TMEM243: variants seen among roughly 807,000 people sequenced by gnomAD.
TMEM243 encodes MDR1 and mitochondrial taxol resistance associated.
A neutral mutation model predicts 15.0 loss-of-function variants in TMEM243; 20 were observed. The ratio of observed to expected loss-of-function variants is 1.33; its 90% CI spans 0.94 to 1.93. The LOEUF is 1.93. TMEM243 is among the 30% of genes most tolerant of loss of function. The pLI, the probability that TMEM243 is intolerant of heterozygous loss-of-function variation, is 0.00. For synonymous variants in TMEM243, 72 were observed against 52.7 expected (o/e 1.37, Z -1.59); for missense variants, 156 against 142.1 (o/e 1.10, Z -0.50).
In TMEM243 at chr7:87,196,802, A is replaced by G. The variant is rs779728640; in HGVS notation, c.235-44T>C. Reference sequence around the variant, plus strand: ...TTTATAAATTAAAATTTGAAATATAACATTTTCTCTACCAATTTCAAATTT... The same window carrying G: ...TTTATAAATTAAAATTTGAAATATAGCATTTTCTCTACCAATTTCAAATTT... On this transcript the variant is annotated intron_variant, in intron 3 of 3. Transcript: ENST00000257637. The G allele has an allele frequency of 2.9e-6, 4 of 1,357,410 alleles. No individual in the cohort carries two copies. The African/African-American group carries it at 6.0e-5, about 20-fold the overall frequency. 84.1% of individuals were successfully genotyped at this position (1,357,410 alleles called of 1,614,324 possible). A position where few individuals can be genotyped will look rare whatever the true frequency, so the allele number is the denominator to read the frequency against.
intron 1 of TMEM243, among the ~76,000 whole-genome samples, chr7:87,205,492 C>A (rs1802147109): frequency 6.6e-6 from 1 of 152,198 alleles, no homozygotes; most frequent in Non-Finnish European, 1.5e-5. Context: ...ACCTAAGTCA[C>A]CTCTTGAATG....
At chr7:87,216,350 G>C (rs1049579485) in intron 1 of TMEM243, among the ~76,000 whole-genome samples, 5 of 152,020 alleles carry the variant, frequency 3.3e-5, no homozygotes, top group African/African-American at 1.2e-4. Context: ...GGAGGCTGAA[G>C]TGGGGGAATT....
intron 1 of TMEM243, among the ~76,000 whole-genome samples, chr7:87,206,980 T>C (rs1234302501): frequency 1.3e-5 from 2 of 152,224 alleles, no homozygotes; most frequent in Non-Finnish European, 2.9e-5. Context: ...AGGGCAGGCA[T>C]GCAATGGCAC....
rs1801230875 is a variant in TMEM243 at position 87,196,382 on chromosome 7, CAA to C, written c.*252_*253del. 2 of 327,734 alleles carry C rather than the reference CAA, an allele frequency of 6.1e-6. No individual in the cohort carries two copies. The highest frequency in any genetic ancestry group is 5.7e-5 in the East Asian group (1 of 17,394). The allele number at this position is 327,734 out of a possible 1,614,324, so 20.3% of individuals were successfully genotyped here. ...CCATACAATTATAAAAATTTCATTTCAAAAGTGAAATTTTTTTGTGCTGTTTT... is the reference window on the plus strand; with the variant it reads ...CCATACAATTATAAAAATTTCATTTCAAGTGAAATTTTTTTGTGCTGTTTT... On this transcript the variant is annotated 3_prime_UTR_variant, in exon 4 of 4. Coordinates refer to ENST00000257637, the MANE Select transcript of TMEM243 (RefSeq NM_024315.4).
intron 1 of TMEM243, among the ~76,000 whole-genome samples, chr7:87,209,836 G>GAGCA (rs1396173795): frequency 2.1e-5 from 3 of 143,394 alleles, no homozygotes; most frequent in African/African-American, 8.3e-5. Flanking sequence ...GACAGTGAGA[G>GAGCA]AGAGACAGTG....
At chr7:87,203,909 G>C (rs1325096757) in intron 1 of TMEM243, among the ~76,000 whole-genome samples, 1 of 152,062 alleles carries the variant, frequency 6.6e-6, no homozygotes, top group Non-Finnish European at 1.5e-5. Flanking sequence ...AGCAAGCTCT[G>C]GCATGGTTAA....
chr7:87,206,546 C>T (rs1802233110), intron 1 of TMEM243, among the ~76,000 whole-genome samples: 1 of 152,160 alleles, frequency 6.6e-6, no homozygotes, highest in South Asian at 2.1e-4. Flanking sequence ...AATCAGATAA[C>T]AGAGATGGCT....
At chr7:87,219,360 A>G in intron 1 of TMEM243, 66 bp downstream of exon 1, 1 of 1,513,340 alleles carries the variant, frequency 6.6e-7, no homozygotes, top group South Asian at 1.1e-5. Flanking sequence ...CGCAGCCCGG[A>G]CTCCGCCAGA....
intron 1 of TMEM243, among the ~76,000 whole-genome samples, chr7:87,205,248 G>C (rs113934837): frequency 0.037 from 5,689 of 152,276 alleles, 129 homozygotes; most frequent in East Asian, 0.065. Flanking sequence ...CTCTGACATG[G>C]CCTGGAGACA....
chr7:87,210,755 T>C (rs1341919297), intron 1 of TMEM243, among the ~76,000 whole-genome samples: 1 of 152,234 alleles, frequency 6.6e-6, no homozygotes, highest in Non-Finnish European at 1.5e-5. Flanking sequence ...AGGCTGGCGC[T>C]GAGTGTCTGT....
Position 87,219,703 on chromosome 7 carries a change from T to G in TMEM243, c.-200A>C, listed in dbSNP as rs1056386997. On this transcript the variant is annotated 5_prime_UTR_variant, in exon 1 of 4. Transcript: ENST00000257637. ...CTGCTCCGCCCCGGCCCCGCGCACC[T>G]CCTCATCTTGAGCAGCTGCCGCAGG... The G allele has an allele frequency of 1.0e-5, 6 of 587,056 alleles. No homozygotes were observed. The highest frequency in any genetic ancestry group is 9.4e-5 in the African/African-American group (5 of 53,266). The allele number at this position is 587,056 out of a possible 1,614,324, so 36.4% of individuals were successfully genotyped here.
intron 1 of TMEM243, among the ~76,000 whole-genome samples, chr7:87,201,686 A>C (rs1477263791): frequency 6.6e-6 from 1 of 152,196 alleles, no homozygotes; most frequent in Non-Finnish European, 1.5e-5. Context: ...TAATACATTT[A>C]AACTTTGCTG....
chr7:87,206,433 A>C (rs1802224661), intron 1 of TMEM243, among the ~76,000 whole-genome samples: 1 of 152,246 alleles, frequency 6.6e-6, no homozygotes, highest in Non-Finnish European at 1.5e-5. Context: ...TGGGAAAGAC[A>C]GTCTACAAGT....
At chr7:87,217,959 G>A (rs1364203154) in intron 1 of TMEM243, among the ~76,000 whole-genome samples, 9 of 152,216 alleles carry the variant, frequency 5.9e-5, no homozygotes, top group Non-Finnish European at 8.8e-5. Flanking sequence ...CAAGAGCTAT[G>A]AGTTAAAAGA....
At chr7:87,205,247 G>A (rs1266663883) in intron 1 of TMEM243, among the ~76,000 whole-genome samples, 1 of 152,158 alleles carries the variant, frequency 6.6e-6, no homozygotes, top group African/African-American at 2.4e-5. Flanking sequence ...TCTCTGACAT[G>A]GCCTGGAGAC....
At chr7:87,204,817 T>C (rs1047593995) in intron 1 of TMEM243, among the ~76,000 whole-genome samples, 7 of 152,202 alleles carry the variant, frequency 4.6e-5, no homozygotes, top group Non-Finnish European at 8.8e-5. Context: ...ATGGTGGCCT[T>C]CTCACAGCTC....
intron 3 of TMEM243, 151 bp from the exon 4 acceptor site, chr7:87,196,909 C>T (rs1801320947): frequency 1.7e-6 from 1 of 586,246 alleles, no homozygotes; most frequent in East Asian, 3.0e-5. Flanking sequence ...TCAGTACAGC[C>T]AGAATTTAAT....
chr7:87,204,715 C>T (rs1802079249), intron 1 of TMEM243, among the ~76,000 whole-genome samples: 1 of 152,236 alleles, frequency 6.6e-6, no homozygotes, highest in Non-Finnish European at 1.5e-5. Context: ...GCCTCCCTCC[C>T]AGCTGCTTTT....
At position 87,196,586 on chromosome 7, in the gene TMEM243, C is replaced by T. The variant is rs759181358; in HGVS notation, c.*50G>A. On this transcript the variant is annotated 3_prime_UTR_variant, in exon 4 of 4. Transcript: ENST00000257637. ...ACCTTATCCAAAAATTACTCACTGTCCTAATGTATCATTTTGAAGAGTCCT... is the reference window on the plus strand; with the variant it reads ...ACCTTATCCAAAAATTACTCACTGTTCTAATGTATCATTTTGAAGAGTCCT... 3.2e-6 allele frequency: 5 copies of T among 1,572,400 alleles called. 1 individual carries two copies. The South Asian group carries it at 4.8e-5, about 15-fold the overall frequency.
Sources: gnomAD v4.1 joint callset for allele counts (sites outside exome capture counted in the v4.1 genomes callset) on GRCh38, gnomAD v4.1.1 for gene constraint, MANE v1.5 for transcripts, NCBI Gene and HGNC (gene_info 2026-07-23, HGNC 2026-07-21) for gene names.